KCNH5: variants seen among roughly 807,000 people sequenced by gnomAD.
KCNH5 encodes voltage-gated delayed rectifier potassium channel KCNH5.
Under a neutral mutation model 96.1 loss-of-function variants are expected in KCNH5, and 46 were observed. The ratio of observed to expected loss-of-function variants is 0.48; its 90% CI spans 0.38 to 0.61. The LOEUF (loss-of-function observed/expected upper bound fraction) is 0.61, where lower values mean the gene tolerates loss of function less well. Among genes scored for constraint, KCNH5 ranks in the 20% least tolerant of loss-of-function variants. The pLI is 0.00. For synonymous variants in KCNH5, 439 were observed against 449.8 expected (o/e 0.98, Z 0.30); for missense variants, 907 against 1,225.8 (o/e 0.74, Z 3.88).
At chr14:62,818,828 A>G (rs1219821507) in intron 8 of KCNH5, among the ~76,000 whole-genome samples, 2 of 152,202 alleles carry the variant, frequency 1.3e-5, no homozygotes, top group African/African-American at 4.8e-5. Flanking sequence ...AATGCTATAC[A>G]CACCGTATGA....
At chr14:62,986,816 T>C (rs1890717512) in intron 5 of KCNH5, among the ~76,000 whole-genome samples, 1 of 152,178 alleles carries the variant, frequency 6.6e-6, no homozygotes, top group Non-Finnish European at 1.5e-5. Context: ...ATGAAAGAAC[T>C]CCCTATCTGA....
chr14:62,709,811 A>G (rs755028011), intron 10 of KCNH5, among the ~76,000 whole-genome samples: 4 of 152,238 alleles, frequency 2.6e-5, no homozygotes, highest in Non-Finnish European at 5.9e-5. Flanking sequence ...ATTTTTGCTC[A>G]GAGTCCTGAA....
At chr14:62,847,945 C>T (rs1238391249) in intron 8 of KCNH5, among the ~76,000 whole-genome samples, 4 of 152,184 alleles carry the variant, frequency 2.6e-5, no homozygotes, top group Non-Finnish European at 5.9e-5. Flanking sequence ...TAAGCATGTC[C>T]TCAAGGGGAG....
chr14:62,981,167 G>A lies in KCNH5; in HGVS notation c.647C>T (p.Thr216Ile), dbSNP rs949730168. The A allele has an allele frequency of 1.9e-6, 3 of 1,614,124 alleles. No homozygotes were observed. The highest frequency in any genetic ancestry group is 1.3e-5 in the African/African-American group (1 of 75,052). Reference protein sequence around the residue: ...IILHYCAFKTTWDWVILILTF... With the variant: ...IILHYCAFKTIWDWVILILTF... ...AAGAATTAAAATCACCCAATCCCAA[G>A]TAGTTTTAAAAGCACAATAATGTAA... Residue 216 changes from threonine (T) to isoleucine (I), a missense_variant, in exon 6 of 11, where the codon ACT becomes ATT. Physicochemically the swap from Thr to Ile is moderately conservative, Grantham distance 89. Transcript: ENST00000322893.
At chr14:63,020,383 G>C (rs1355152215) in intron 1 of KCNH5, among the ~76,000 whole-genome samples, 1 of 152,026 alleles carries the variant, frequency 6.6e-6, no homozygotes, top group Non-Finnish European at 1.5e-5. Flanking sequence ...ATTCACAGTA[G>C]CCAAAAATTG....
intron 8 of KCNH5, among the ~76,000 whole-genome samples, chr14:62,844,299 A>C (rs778201355): frequency 6.6e-5 from 10 of 152,202 alleles, no homozygotes; most frequent in Non-Finnish European, 1.5e-4. Context: ...TGTATGCAAC[A>C]AGCTGAAAAA....
intron 4 of KCNH5, among the ~76,000 whole-genome samples, chr14:62,996,889 G>C (rs1890915000): frequency 6.6e-6 from 1 of 152,066 alleles, no homozygotes; most frequent in African/African-American, 2.4e-5. Context: ...TTTTTTGAGA[G>C]GAAAAGACTA....
intron 6 of KCNH5, among the ~76,000 whole-genome samples, chr14:62,965,795 A>T (rs1481713151): frequency 1.3e-5 from 2 of 152,138 alleles, no homozygotes; most frequent in African/African-American, 4.8e-5. Flanking sequence ...GATACTGTGT[A>T]TTTCCTAAAA....
intron 8 of KCNH5, among the ~76,000 whole-genome samples, chr14:62,821,626 T>C (rs1887115034): frequency 6.6e-6 from 1 of 152,128 alleles, no homozygotes; most frequent in South Asian, 2.1e-4. Flanking sequence ...CTGTCACCAA[T>C]GTCTTCAGAG....
At chr14:63,018,307 G>T (rs1335640514) in intron 1 of KCNH5, among the ~76,000 whole-genome samples, 1 of 151,854 alleles carries the variant, frequency 6.6e-6, no homozygotes, top group East Asian at 1.9e-4. Context: ...TCACAATTTG[G>T]GGGTGGCAGA....
At chr14:62,855,280 G>GT (rs994336031) in intron 7 of KCNH5, among the ~76,000 whole-genome samples, 4 of 152,042 alleles carry the variant, frequency 2.6e-5, no homozygotes, top group South Asian at 2.1e-4. Flanking sequence ...CGACCATTCC[G>GT]TTTTTTCTTT....
intron 9 of KCNH5, among the ~76,000 whole-genome samples, chr14:62,799,238 T>C (rs924480886): frequency 2.0e-5 from 3 of 151,978 alleles, no homozygotes; most frequent in Non-Finnish European, 4.4e-5. Context: ...TGATAAGATA[T>C]GTTAACCCAC....
At chr14:62,873,191 G>T (rs910911307) in intron 7 of KCNH5, among the ~76,000 whole-genome samples, 3 of 151,338 alleles carry the variant, frequency 2.0e-5, no homozygotes, top group Non-Finnish European at 4.4e-5. Flanking sequence ...GGAAGAGAAA[G>T]AAAATGGTAA....
intron 8 of KCNH5, among the ~76,000 whole-genome samples, chr14:62,846,145 T>A (rs1887686268): frequency 6.6e-6 from 1 of 152,202 alleles, no homozygotes; most frequent in Non-Finnish European, 1.5e-5. Flanking sequence ...TTTGTTTGTT[T>A]GTTTTTTTAA....
At chr14:62,836,520 T>A (rs778429868) in intron 8 of KCNH5, among the ~76,000 whole-genome samples, 1 of 152,214 alleles carries the variant, frequency 6.6e-6, no homozygotes, top group Admixed American at 6.5e-5. Flanking sequence ...TTATAACATA[T>A]TCGTAAGGAT....
chr14:62,970,591 T>C (rs1399173971), intron 6 of KCNH5, among the ~76,000 whole-genome samples: 1 of 152,178 alleles, frequency 6.6e-6, no homozygotes, highest in Non-Finnish European at 1.5e-5. Context: ...CAACAAAATG[T>C]TTTGTTAATA....
intron 6 of KCNH5, among the ~76,000 whole-genome samples, chr14:62,968,851 C>A (rs994134678): frequency 4.6e-5 from 7 of 152,132 alleles, no homozygotes; most frequent in African/African-American, 1.4e-4. Flanking sequence ...CATTAGCTCT[C>A]TAAAGATCTT....
In KCNH5 at chr14:62,944,287, G is replaced by T. The variant is rs1889844488; in HGVS notation, c.1369+5846C>A. On this transcript the variant is annotated intron_variant, in intron 7 of 10. Transcript: ENST00000322893. ...TCTCGAGAAAAAGAGTCTATCATTT[G>T]CAAGTAGTGATTATTTTTCTCAACA... 2.0e-5 allele frequency among the ~76,000 whole-genome samples: 3 copies of T among 152,108 alleles called. No individual in the cohort carries two copies. In the South Asian group the frequency reaches 6.2e-4, roughly 32 times the overall value.
rs1884479686 is a variant in KCNH5 at position 62,708,127 on chromosome 14, T to C, written c.2348A>G (p.Glu783Gly). The change falls in exon 11 of 11, where the codon GAA (glutamate) becomes GGA (glycine). Residue 783 changes from glutamate to glycine, a missense_variant. This residue lies in a region of KCNH5 where 362 missense variants were observed against 394.4 expected (regional missense o/e 0.92). Coordinates refer to ENST00000322893, the MANE Select transcript of KCNH5 (RefSeq NM_139318.5). ...SLKQNNRDAM[E>G]LKPNGGADQK... Reference sequence around the variant, plus strand: ...GTCAGCACCGCCGTTGGGCTTGAGTTCCATGGCATCACGGTTGTTCTGCTT... The same window carrying C: ...GTCAGCACCGCCGTTGGGCTTGAGTCCCATGGCATCACGGTTGTTCTGCTT... 6.2e-7 allele frequency: 1 copy of C among 1,614,138 alleles called. No individual in the cohort carries two copies. The highest frequency in any genetic ancestry group is 8.5e-7 in the Non-Finnish European group (1 of 1,180,058).
Sources: gnomAD v4.1 joint callset for allele counts (sites outside exome capture counted in the v4.1 genomes callset) on GRCh38, gnomAD v4.1.1 for gene constraint, gnomAD v4.1.1 regional missense constraint, MANE v1.5 for transcripts, NCBI Gene and HGNC (gene_info 2026-07-23, HGNC 2026-07-21) for gene names.